LINGO2: variants seen among roughly 807,000 people sequenced by gnomAD.
The protein encoded by LINGO2 is leucine rich repeat and Ig domain containing 2, also known as leucine-rich repeat and immunoglobulin-like domain-containing nogo receptor-interacting protein 2.
In LINGO2, 14 loss-of-function variants were observed where a neutral mutation model predicts 30.6. That is an observed-to-expected ratio of 0.46 (90% CI 0.30 to 0.72). LINGO2 has a LOEUF of 0.72. LINGO2 is among the 30% of genes least tolerant of loss of function. LINGO2 has a pLI of 0.07. For missense variants in LINGO2, 729 were observed against 751.7 expected (o/e 0.97, Z 0.35); for synonymous variants, 317 against 288.5 (o/e 1.10, Z -1.00).
At chr9:28,053,208 T>C (rs1824758314) in intron 4 of LINGO2, among the ~76,000 whole-genome samples, 1 of 152,000 alleles carries the variant, frequency 6.6e-6, no homozygotes. Context: ...CCATGTAGCA[T>C]TTATACTGAG....
the LINGO2 span, among the ~76,000 whole-genome samples, chr9:29,128,136 C>G: frequency 6.6e-6 from 1 of 152,050 alleles, no homozygotes; most frequent in Non-Finnish European, 1.5e-5. Flanking sequence ...AGGCCATTGC[C>G]TCTCGAGGGA....
At chr9:29,017,603 C>G in the LINGO2 span, among the ~76,000 whole-genome samples, 3 of 152,072 alleles carry the variant, frequency 2.0e-5, no homozygotes, top group Non-Finnish European at 4.4e-5. Context: ...GCAAGCCAAT[C>G]ATTTAAGAAA....
the LINGO2 span, among the ~76,000 whole-genome samples, chr9:28,977,707 C>T: frequency 0.33 from 50,566 of 151,832 alleles, 9,922 homozygotes; most frequent in Non-Finnish European, 0.43. Flanking sequence ...CGTTTTTCCC[C>T]GTAGATGGAC....
chr9:29,010,001 C>A, the LINGO2 span, among the ~76,000 whole-genome samples: 1 of 152,030 alleles, frequency 6.6e-6, no homozygotes, highest in Non-Finnish European at 1.5e-5. Context: ...AACTGGATGC[C>A]TTCCTTACAC....
chr9:28,239,576 G>T (rs964324574), intron 4 of LINGO2, among the ~76,000 whole-genome samples: 2 of 152,056 alleles, frequency 1.3e-5, no homozygotes, highest in Non-Finnish European at 2.9e-5. Flanking sequence ...ATTTGATAAA[G>T]TTCAACACGC....
chr9:28,942,429 C>T, the LINGO2 span, among the ~76,000 whole-genome samples: 1 of 152,084 alleles, frequency 6.6e-6, no homozygotes, highest in Non-Finnish European at 1.5e-5. Flanking sequence ...ATAGAAATCA[C>T]CAAAAACCAA....
chr9:29,059,855 T>G, the LINGO2 span, among the ~76,000 whole-genome samples: 5 of 151,990 alleles, frequency 3.3e-5, no homozygotes, highest in African/African-American at 1.2e-4. Flanking sequence ...AATTGATAAA[T>G]TGAACTTCCT....
chr9:29,201,906 C>G, the LINGO2 span, among the ~76,000 whole-genome samples: 1 of 151,902 alleles, frequency 6.6e-6, no homozygotes, highest in Non-Finnish European at 1.5e-5. Flanking sequence ...TGTTCAAGGT[C>G]CAATAACCAG....
intron 2 of LINGO2, among the ~76,000 whole-genome samples, chr9:28,425,518 G>A (rs1412240): frequency 2.6e-5 from 4 of 151,862 alleles, no homozygotes; most frequent in Non-Finnish European, 5.9e-5. Context: ...GCTCATGCTC[G>A]TAATACTGTG....
chr9:28,141,682 T>C (rs375851528), intron 4 of LINGO2, among the ~76,000 whole-genome samples: 1 of 152,212 alleles, frequency 6.6e-6, no homozygotes, highest in East Asian at 1.9e-4. Flanking sequence ...TTTGGGAGGC[T>C]GAGGCGGGCG....
At position 28,389,573 on chromosome 9, in the gene LINGO2, A is replaced by T. The variant is rs183880446; in HGVS notation, c.-278-16705T>A. On this transcript the variant is annotated intron_variant, in intron 2 of 5. Transcript: ENST00000379992. ...AGATCTCTAGACGTCAGCATTCCTA[A>T]ATTCCTGCCTCATCTCTTAGAGGAT... 2.0e-5 allele frequency among the ~76,000 whole-genome samples: 3 copies of T among 152,232 alleles called. No individual in the cohort carries two copies. The East Asian group carries it at 5.8e-4, about 30-fold the overall frequency.
At chr9:28,382,446 A>AC (rs1010638433) in intron 2 of LINGO2, among the ~76,000 whole-genome samples, 1 of 152,126 alleles carries the variant, frequency 6.6e-6, no homozygotes, top group African/African-American at 2.4e-5. Flanking sequence ...GTGGACCATT[A>AC]CTAGGTGCTC....
chr9:28,263,026 C>G (rs1822619761), intron 4 of LINGO2, among the ~76,000 whole-genome samples: 1 of 151,968 alleles, frequency 6.6e-6, no homozygotes, highest in Admixed American at 6.6e-5. Context: ...TAGCTGGGTT[C>G]CCGTCTCCTA....
intron 1 of LINGO2, among the ~76,000 whole-genome samples, chr9:28,579,659 C>T (rs575385566): frequency 6.6e-6 from 1 of 152,004 alleles, no homozygotes; most frequent in Non-Finnish European, 1.5e-5. Flanking sequence ...TAAGGGCTGC[C>T]AAACTGAGAG....
chr9:28,562,825 CTT>C (rs1263128904), intron 1 of LINGO2, among the ~76,000 whole-genome samples: 1 of 151,834 alleles, frequency 6.6e-6, no homozygotes, highest in Admixed American at 6.6e-5. Flanking sequence ...TTGAATAAAA[CTT>C]ATTTATTTAT....
At chr9:28,846,037 C>T in the LINGO2 span, among the ~76,000 whole-genome samples, 2 of 151,352 alleles carry the variant, frequency 1.3e-5, no homozygotes, top group Non-Finnish European at 2.9e-5. Flanking sequence ...CACACACACA[C>T]CAACCATCAG....
At chr9:29,039,388 T>C in the LINGO2 span, among the ~76,000 whole-genome samples, 3 of 152,124 alleles carry the variant, frequency 2.0e-5, no homozygotes, top group Non-Finnish European at 4.4e-5. Flanking sequence ...AAGCTTGTTG[T>C]TCTCTTGTGT....
chr9:29,008,991 T>C, the LINGO2 span, among the ~76,000 whole-genome samples: 2 of 152,152 alleles, frequency 1.3e-5, no homozygotes, highest in Admixed American at 1.3e-4. Context: ...CAGCGCTTCA[T>C]GCTAAAAACT....
the LINGO2 span, among the ~76,000 whole-genome samples, chr9:28,738,308 C>T: frequency 6.6e-6 from 1 of 152,122 alleles, no homozygotes; most frequent in Non-Finnish European, 1.5e-5. Flanking sequence ...TTTTCTCCCT[C>T]TCTCTCTTTC....
Sources: gnomAD v4.1 joint callset for allele counts (sites outside exome capture counted in the v4.1 genomes callset) on GRCh38, gnomAD v4.1.1 for gene constraint, MANE v1.5 for transcripts, NCBI Gene and HGNC (gene_info 2026-07-23, HGNC 2026-07-21) for gene names.